Variants in KLF12 observed in about 807,000 individuals in gnomAD.
KLF12 encodes the protein KLF transcription factor 12.
Under a neutral mutation model 37.8 loss-of-function variants are expected in KLF12, and 9 were observed. That is an observed-to-expected ratio of 0.24 (90% CI 0.14 to 0.42). The LOEUF is 0.42. KLF12 is among the 10% of genes least tolerant of loss of function. The probability of loss-of-function intolerance (pLI) is 1.00; values close to 1 mark genes in which losing one functional copy is unlikely to be tolerated. For synonymous variants in KLF12, 208 were observed against 202.1 expected (o/e 1.03, Z -0.25); for missense variants, 411 against 516.0 (o/e 0.80, Z 1.97).
the KLF12 span, among the ~76,000 whole-genome samples, chr13:74,228,942 G>A: frequency 2.0e-5 from 3 of 151,478 alleles, no homozygotes; most frequent in East Asian, 1.9e-4. Context: ...AGGGAATAAT[G>A]TTAATACCAT....
chr13:74,058,293 C>T (rs993520631), intron 1 of KLF12, among the ~76,000 whole-genome samples: 4 of 149,424 alleles, frequency 2.7e-5, no homozygotes, highest in African/African-American at 7.4e-5. Context: ...ATAAGTTTCT[C>T]AGAACCTTAG....
intron 1 of KLF12, among the ~76,000 whole-genome samples, chr13:74,003,918 T>A (rs896520731): frequency 6.6e-6 from 1 of 152,110 alleles, no homozygotes; most frequent in Non-Finnish European, 1.5e-5. Context: ...AAACAAAAAC[T>A]GCCCCACTGC....
At chr13:73,843,310 T>C in intron 4 of KLF12, among the ~76,000 whole-genome samples, 1 of 144,570 alleles carries the variant, frequency 6.9e-6, no homozygotes, top group South Asian at 2.2e-4. Flanking sequence ...CATTATGTTC[T>C]TTTTTTTTTT....
At chr13:74,091,962 G>A (rs73214828) in intron 1 of KLF12, among the ~76,000 whole-genome samples, 29,296 of 150,866 alleles carry the variant, frequency 0.19, 2,998 homozygotes, top group African/African-American at 0.27. Flanking sequence ...ATTTTGCTGT[G>A]GGCATAAAAC....
At chr13:73,875,320 C>T (rs940868161) in intron 3 of KLF12, among the ~76,000 whole-genome samples, 1 of 152,086 alleles carries the variant, frequency 6.6e-6, no homozygotes, top group African/African-American at 2.4e-5. Context: ...AATTTATTTT[C>T]ATTACGATAT....
intron 1 of KLF12, among the ~76,000 whole-genome samples, chr13:74,048,564 G>GA (rs1214091061): frequency 6.6e-6 from 1 of 152,096 alleles, no homozygotes; most frequent in Non-Finnish European, 1.5e-5. Flanking sequence ...ATTGAGAGTA[G>GA]AGCTTTATCA....
chr13:74,245,646 A>C, the KLF12 span, among the ~76,000 whole-genome samples: 2 of 152,148 alleles, frequency 1.3e-5, no homozygotes, highest in African/African-American at 4.8e-5. Context: ...TCTGGCTGAG[A>C]GTTCTTACCA....
At chr13:73,952,466 T>C (rs764949487) in intron 2 of KLF12, among the ~76,000 whole-genome samples, 3 of 152,172 alleles carry the variant, frequency 2.0e-5, no homozygotes, top group Non-Finnish European at 4.4e-5. Flanking sequence ...TGCTAAATCA[T>C]TAGAAACTGC....
At chr13:73,729,201 C>T (rs1329848455) in intron 6 of KLF12, among the ~76,000 whole-genome samples, 1 of 152,156 alleles carries the variant, frequency 6.6e-6, no homozygotes, top group Non-Finnish European at 1.5e-5. Context: ...AAAGATCAAA[C>T]AAGAACTTTG....
chr13:74,026,000 T>G (rs962975720), intron 1 of KLF12, among the ~76,000 whole-genome samples: 1 of 152,194 alleles, frequency 6.6e-6, no homozygotes, highest in Non-Finnish European at 1.5e-5. Context: ...AGTTGAGTTT[T>G]GGGTACCCTA....
chr13:73,985,929 A>C (rs1007011476), intron 2 of KLF12, among the ~76,000 whole-genome samples: 13 of 152,250 alleles, frequency 8.5e-5, no homozygotes, highest in African/African-American at 1.9e-4. Context: ...ATTTCAATAG[A>C]TAGCTGCTGG....
At chr13:74,288,079 G>GAA in the KLF12 span, among the ~76,000 whole-genome samples, 23 of 150,542 alleles carry the variant, frequency 1.5e-4, no homozygotes, top group African/African-American at 2.7e-4. Flanking sequence ...AGGGGGGAAG[G>GAA]AAAAAAAAAC....
At chr13:74,067,047 T>C (rs905959431) in intron 1 of KLF12, among the ~76,000 whole-genome samples, 5 of 152,136 alleles carry the variant, frequency 3.3e-5, no homozygotes, top group Non-Finnish European at 7.4e-5. Flanking sequence ...TTTTCAAAAA[T>C]TGGAAAATTA....
At chr13:74,102,414 T>C (rs7334536) in intron 1 of KLF12, among the ~76,000 whole-genome samples, 28,772 of 151,182 alleles carry the variant, frequency 0.19, 3,614 homozygotes, top group African/African-American at 0.36. Flanking sequence ...ATTAACATCA[T>C]TGGCTGGGCG....
chr13:73,738,117 A>ACACACACACATATATGTATGTG (rs1877638215), intron 6 of KLF12, among the ~76,000 whole-genome samples: 1 of 66,474 alleles, frequency 1.5e-5, no homozygotes. Context: ...ATATATATAT[A>ACACACACACATATATGTATGTG]TATATATACA....
At chr13:73,731,606 T>C (rs1434035827) in intron 6 of KLF12, among the ~76,000 whole-genome samples, 1 of 151,424 alleles carries the variant, frequency 6.6e-6, no homozygotes, top group Admixed American at 6.6e-5. Context: ...CTTTTAGGGA[T>C]ATTACTAAGT....
At chr13:74,012,173 T>C (rs1209550126) in intron 1 of KLF12, among the ~76,000 whole-genome samples, 5 of 152,230 alleles carry the variant, frequency 3.3e-5, no homozygotes, top group Non-Finnish European at 5.9e-5. Flanking sequence ...TTGTGCAGAA[T>C]GTATTTGATG....
At chr13:74,072,792 C>G (rs1241379839) in intron 1 of KLF12, among the ~76,000 whole-genome samples, 2 of 152,162 alleles carry the variant, frequency 1.3e-5, no homozygotes, top group Non-Finnish European at 2.9e-5. Context: ...TGAAACTCTC[C>G]TTTCTTAAAT....
intron 4 of KLF12, among the ~76,000 whole-genome samples, chr13:73,841,882 C>T (rs948290649): frequency 1.3e-5 from 2 of 152,110 alleles, no homozygotes; most frequent in African/African-American, 4.8e-5. Context: ...TTCCTGACAT[C>T]CTCCCTCTCA....
Sources: gnomAD v4.1 joint callset for allele counts (sites outside exome capture counted in the v4.1 genomes callset) on GRCh38, gnomAD v4.1.1 for gene constraint, MANE v1.5 for transcripts, NCBI Gene and HGNC (gene_info 2026-07-23, HGNC 2026-07-21) for gene names.